The following ZNF521 variants were observed in gnomAD, a reference collection of about 807,000 sequenced individuals.
The protein encoded by ZNF521 is LYST-interacting protein 3.
ZNF521 carries 14 observed loss-of-function variants against 105.5 expected under a neutral mutation model. The ratio of observed to expected loss-of-function variants is 0.13; its 90% CI spans 0.09 to 0.21. ZNF521 has a LOEUF of 0.21. ZNF521 is among the 10% of genes least tolerant of loss of function. ZNF521 has a pLI of 1.00. For missense variants in ZNF521, 1,233 were observed against 1,629.7 expected (o/e 0.76, Z 4.19); for synonymous variants, 635 against 606.0 (o/e 1.05, Z -0.70).
chr18:25,301,888 C>T (rs912228133), intron 3 of ZNF521: 4 of 152,160 alleles, frequency 2.6e-5, no homozygotes, highest in African/African-American at 9.7e-5. Flanking sequence ...TATTTCCATC[C>T]AGAATATGCT....
rs1459872634 is a variant in ZNF521, at chr18:25,062,769, AAAAAAAAAAAAAAAAAG to A, written c.3907-45_3907-29del. 2.7e-6 allele frequency: 4 copies of A among 1,488,120 alleles called. No individual in the cohort carries two copies. In the African/African-American group the frequency reaches 4.3e-5, roughly 16 times the overall value. The allele number at this position is 1,488,120 out of a possible 1,614,324, so 92.2% of individuals were successfully genotyped here. On this transcript the variant is annotated intron_variant, in intron 7 of 7. Coordinates refer to ENST00000361524, the MANE Select transcript of ZNF521 (RefSeq NM_015461.3). Reference sequence around the variant, plus strand: ...GTAAATAACAAAAAAAAAAAAAAAAAAAAAAAAAAAAAAAAAGAGAAGAGAGGGAAAACAAACTTCAG... The same window carrying A: ...GTAAATAACAAAAAAAAAAAAAAAAAAGAAGAGAGGGAAAACAAACTTCAG...
At chr18:25,230,642 CTT>C (rs920687898) in intron 3 of ZNF521, among the ~76,000 whole-genome samples, 1 of 152,172 alleles carries the variant, frequency 6.6e-6, no homozygotes, top group Non-Finnish European at 1.5e-5. Context: ...TCAACTTTAA[CTT>C]TTTTTCCCTT....
chr18:25,346,082 T>C (rs1568091474), intron 2 of ZNF521, among the ~76,000 whole-genome samples: 1 of 152,172 alleles, frequency 6.6e-6, no homozygotes, highest in Non-Finnish European at 1.5e-5. Context: ...ACAACCTATC[T>C]AAAAATAATT....
At chr18:25,228,075 G>A (rs1377042286) in intron 3 of ZNF521, among the ~76,000 whole-genome samples, 2 of 151,994 alleles carry the variant, frequency 1.3e-5, no homozygotes, top group Non-Finnish European at 2.9e-5. Flanking sequence ...CATATTATGT[G>A]AGCATCTGAA....
chr18:25,185,434 T>C (rs1419064099), intron 5 of ZNF521, among the ~76,000 whole-genome samples: 1 of 152,148 alleles, frequency 6.6e-6, no homozygotes, highest in Non-Finnish European at 1.5e-5. Flanking sequence ...AGATGCCCTC[T>C]GTGTTGTACC....
At chr18:25,265,068 T>C (rs150887126) in intron 3 of ZNF521, among the ~76,000 whole-genome samples, 1,573 of 152,332 alleles carry the variant, frequency 0.01, 31 homozygotes, top group African/African-American at 0.034. Context: ...TTTAATAGGT[T>C]CCCTTCTAAA....
intron 5 of ZNF521, among the ~76,000 whole-genome samples, chr18:25,107,644 T>C (rs911129929): frequency 2.0e-5 from 3 of 152,208 alleles, no homozygotes; most frequent in African/African-American, 4.8e-5. Context: ...TGAGTGTACA[T>C]AGAGGCTTTC....
chr18:25,138,647 A>G (rs2034782308), intron 5 of ZNF521, among the ~76,000 whole-genome samples: 1 of 152,192 alleles, frequency 6.6e-6, no homozygotes, highest in African/African-American at 2.4e-5. Context: ...TCAAAAAATA[A>G]TAGTTGCAGG....
At chr18:25,214,493 T>C (rs1047913540) in intron 4 of ZNF521, among the ~76,000 whole-genome samples, 1 of 152,152 alleles carries the variant, frequency 6.6e-6, no homozygotes, top group South Asian at 2.1e-4. Context: ...TATATCTCAG[T>C]GATAGTATGC....
rs759517743 is a variant in ZNF521, at chr18:25,226,503, A to G, written c.1415T>C (p.Met472Thr). ...GTTACACTGGTAGACAATGGCAGGC[A>G]TGGCAGAAACAATCAGACCTGGGTC... Reference protein sequence around the residue: ...AQDPGLIVSAMPAIVYQCNFC... With the variant: ...AQDPGLIVSATPAIVYQCNFC... The change falls in exon 4 of 8, where the codon ATG becomes ACG. Residue 472 changes from methionine (M) to threonine (T), a missense_variant. Met to Thr is a moderately conservative substitution (Grantham distance 81). This residue lies in a region of ZNF521 where 380 missense variants were observed against 478.0 expected (regional missense o/e 0.80). Transcript: ENST00000361524. The surrounding 1 kb of genome is among the most constrained non-coding windows in gnomAD (Gnocchi z 4.1). 6.2e-7 allele frequency: 1 copy of G among 1,614,066 alleles called. No homozygotes were observed. The highest frequency in any genetic ancestry group is 8.5e-7 in the Non-Finnish European group (1 of 1,180,026).
At chr18:25,259,812 C>A (rs1207683550) in intron 3 of ZNF521, among the ~76,000 whole-genome samples, 1 of 152,082 alleles carries the variant, frequency 6.6e-6, no homozygotes, top group Non-Finnish European at 1.5e-5. Context: ...TAGACTGGGG[C>A]TCAGTGAAGG....
Position 25,127,581 on chromosome 18 carries a change from A to G in ZNF521, c.3659-35500T>C, listed in dbSNP as rs112041068. ...AGAAAAAGACCTAAAAAAAGATACG[A>G]TCCAGAATGATTTGGAAAGGAGCCA... On this transcript the variant is annotated intron_variant, in intron 5 of 7. Coordinates refer to ENST00000361524, the MANE Select transcript of ZNF521 (RefSeq NM_015461.3). Among the ~76,000 whole-genome samples the G allele has an allele frequency of 6.5e-3, 986 of 152,146 alleles. 5 individuals are homozygous for G. The highest frequency in any genetic ancestry group is 9.9e-3 in the Non-Finnish European group (670 of 67,924).
rs9948785 is a variant in ZNF521, at chr18:25,264,668, T to G, written c.221-36971A>C. On this transcript the variant is annotated intron_variant, in intron 3 of 7. Transcript: ENST00000361524. ...CAAAACCAAATTTTATGGAGTTTAA[T>G]TTACATCTTCATAATGTTTATTTTT... Among the ~76,000 whole-genome samples, 605 of 152,342 alleles carry G rather than the reference T, an allele frequency of 4.0e-3. 9 individuals carry two copies. Among genetic ancestry groups the G allele is most frequent in the African/African-American group, 0.014 (581 of 41,580 alleles).
chr18:25,215,144 G>C (rs1490616719), intron 4 of ZNF521, among the ~76,000 whole-genome samples: 3 of 152,010 alleles, frequency 2.0e-5, no homozygotes, highest in Admixed American at 1.3e-4. Flanking sequence ...ATAATAATGA[G>C]GTAATAGGAA....
In ZNF521 at chr18:25,192,877, A is replaced by T. The variant is rs114169388; in HGVS notation, c.3658+2283T>A. On this transcript the variant is annotated intron_variant, in intron 5 of 7. Coordinates refer to ENST00000361524, the MANE Select transcript of ZNF521 (RefSeq NM_015461.3). ...TGCATTCTCTCTAGATACTAACAGC[A>T]CAAATAGGGTGTAAGGACTTGGATG... Among the ~76,000 whole-genome samples the T allele has an allele frequency of 9.3e-3, 1,419 of 152,230 alleles. 25 individuals carry two copies. Among genetic ancestry groups the T allele is most frequent in the African/African-American group, 0.033 (1,372 of 41,548 alleles).
chr18:25,308,479 A>G (rs1912108130), intron 3 of ZNF521, among the ~76,000 whole-genome samples: 1 of 152,170 alleles, frequency 6.6e-6, no homozygotes, highest in Non-Finnish European at 1.5e-5. Context: ...TCTACAGCTT[A>G]AAATTGCCCA....
chr18:25,122,453 A>G (rs1336123466), intron 5 of ZNF521, among the ~76,000 whole-genome samples: 2 of 152,230 alleles, frequency 1.3e-5, no homozygotes, highest in Non-Finnish European at 2.9e-5. Context: ...TTAAGTATAT[A>G]CTATATTCTG....
intron 3 of ZNF521, among the ~76,000 whole-genome samples, chr18:25,303,679 A>C (rs1313128782): frequency 6.6e-6 from 1 of 152,146 alleles, no homozygotes; most frequent in Non-Finnish European, 1.5e-5. Flanking sequence ...GAATTCATCC[A>C]AATGCTACTT....
chr18:25,327,087 A>C (rs9955300), intron 2 of ZNF521, among the ~76,000 whole-genome samples: 2,616 of 152,174 alleles, frequency 0.017, 80 homozygotes, highest in African/African-American at 0.057. Flanking sequence ...AACTGTCACA[A>C]AAAAAAATTA....
Sources: gnomAD v4.1 joint callset for allele counts (sites outside exome capture counted in the v4.1 genomes callset) on GRCh38, gnomAD v4.1.1 for gene constraint, gnomAD v4.1.1 regional missense constraint, Gnocchi (gnomAD v3.1) non-coding constraint, MANE v1.5 for transcripts, NCBI Gene and HGNC (gene_info 2026-07-23, HGNC 2026-07-21) for gene names.